Variants in NBAS observed in about 807,000 individuals in gnomAD.
NBAS encodes NBAS subunit of NRZ tethering complex.
In NBAS, 219 loss-of-function variants were observed where a neutral mutation model predicts 302.5. The ratio of observed to expected loss-of-function variants is 0.72; its 90% CI spans 0.65 to 0.81. The LOEUF is 0.81. Among genes scored for constraint, NBAS ranks in the 30% least tolerant of loss-of-function variants. The pLI is 0.00. For missense variants in NBAS, 2,932 were observed against 2,841.6 expected (o/e 1.03, Z -0.72); for synonymous variants, 1,118 against 1,021.6 (o/e 1.09, Z -1.80).
chr2:15,484,680 C>T (rs1490844091), intron 12 of NBAS, among the ~76,000 whole-genome samples: 1 of 152,162 alleles, frequency 6.6e-6, no homozygotes, highest in East Asian at 1.9e-4. Context: ...ACCTACATGC[C>T]TTTCCTGAGC....
chr2:14,921,119 T>C, the NBAS span, among the ~76,000 whole-genome samples: 4 of 152,046 alleles, frequency 2.6e-5, no homozygotes, highest in Non-Finnish European at 5.9e-5. Flanking sequence ...TTAGAGACCA[T>C]TGTAGGGTTA....
rs1670907715 is a variant in NBAS at position 15,303,686 on chromosome 2, TAGGAC to T, written c.4797+4525_4797+4529del. Among the ~76,000 whole-genome samples the T allele has an allele frequency of 2.0e-5, 3 of 152,190 alleles. No homozygotes were observed. In the South Asian group the frequency reaches 6.2e-4, roughly 31 times the overall value. ...TCTGAGTCACAAACAGTACATGCAT[TAGGAC>T]TTTTCATTTTGGTACAAAGTAATTT... On this transcript the variant is annotated intron_variant, in intron 40 of 51. Transcript: ENST00000281513.
At chr2:15,546,558 G>C (rs1045762951) in intron 6 of NBAS, among the ~76,000 whole-genome samples, 2 of 152,038 alleles carry the variant, frequency 1.3e-5, no homozygotes. Flanking sequence ...GTGAAACCCC[G>C]ACTCTACTAA....
At chr2:15,410,160 G>C (rs1443036609) in intron 25 of NBAS, among the ~76,000 whole-genome samples, 1 of 152,126 alleles carries the variant, frequency 6.6e-6, no homozygotes, top group Non-Finnish European at 1.5e-5. Context: ...CTTTTAAAGA[G>C]CCATGGCATT....
chr2:15,144,359 C>A, the NBAS span, among the ~76,000 whole-genome samples: 689 of 152,088 alleles, frequency 4.5e-3, 7 homozygotes, highest in African/African-American at 0.016. Context: ...AATATGTTCT[C>A]CATCCCCATC....
Position 15,461,209 on chromosome 2 carries a change from G to A in NBAS, c.2331C>T (p.Pro777=), listed in dbSNP as rs778062993. ...TTAACATAGTCACATACCAAGCTTCGGGCAGCAAAACAGAATATTCATGTG... is the reference window on the plus strand; with the variant it reads ...TTAACATAGTCACATACCAAGCTTCAGGCAGCAAAACAGAATATTCATGTG... ...TSPHEYSVLL[P]EACFNGDSLM... Residue 777 remains proline, a synonymous_variant, in exon 21 of 52, where the codon CCC becomes CCT. Transcript: ENST00000281513. 11 of 1,613,244 alleles carry A rather than the reference G, an allele frequency of 6.8e-6. No individual in the cohort carries two copies. The highest frequency in any genetic ancestry group is 3.3e-5 in the Admixed American group (2 of 59,954).
intron 38 of NBAS, among the ~76,000 whole-genome samples, chr2:15,316,445 G>A (rs1033179032): frequency 7.2e-5 from 11 of 152,334 alleles, no homozygotes; most frequent in African/African-American, 2.6e-4. Flanking sequence ...AGTGCAAGGG[G>A]TTGGGGGATT....
chr2:14,980,801 T>G, the NBAS span, among the ~76,000 whole-genome samples: 1 of 152,154 alleles, frequency 6.6e-6, no homozygotes, highest in Non-Finnish European at 1.5e-5. Flanking sequence ...ATAATTAATA[T>G]CTTCAGAAAG....
At chr2:15,304,283 G>C (rs1251539459) in intron 40 of NBAS, among the ~76,000 whole-genome samples, 1 of 148,504 alleles carries the variant, frequency 6.7e-6, no homozygotes, top group African/African-American at 2.4e-5. Context: ...CTGCTGCCTT[G>C]GGAAGAAAGT....
chr2:15,396,222 G>A (rs898995613), intron 27 of NBAS, among the ~76,000 whole-genome samples, 191 bp downstream of exon 27: 2 of 152,076 alleles, frequency 1.3e-5, no homozygotes, highest in Non-Finnish European at 2.9e-5. Flanking sequence ...CAAAGACCAT[G>A]TTATTATTCT....
intron 35 of NBAS, among the ~76,000 whole-genome samples, chr2:15,344,866 T>G (rs1673017492): frequency 6.6e-6 from 1 of 152,038 alleles, no homozygotes; most frequent in African/African-American, 2.4e-5. Context: ...AAATACAAAA[T>G]CAATAAATGT....
At chr2:15,244,198 C>T (rs77416714) in intron 44 of NBAS, among the ~76,000 whole-genome samples, 2,543 of 152,174 alleles carry the variant, frequency 0.017, 33 homozygotes, top group Middle Eastern at 0.031. Flanking sequence ...TAAATAAGAA[C>T]CTGACTGAAT....
At chr2:15,059,962 A>ACACAC in the NBAS span, among the ~76,000 whole-genome samples, 1 of 139,478 alleles carries the variant, frequency 7.2e-6, no homozygotes, top group Non-Finnish European at 1.6e-5. Context: ...AAAAAAAAAA[A>ACACAC]ACAAAAAAAA....
At chr2:15,476,009 T>A in intron 13 of NBAS, 129 bp from the exon 14 acceptor site, 1 of 690,008 alleles carries the variant, frequency 1.4e-6, no homozygotes, top group Non-Finnish European at 2.3e-6. Context: ...GTATGTTAAA[T>A]AATAAGAAAA....
downstream of NBAS, among the ~76,000 whole-genome samples, chr2:15,166,240 C>A (rs1572382096): frequency 6.6e-6 from 1 of 152,188 alleles, no homozygotes; most frequent in South Asian, 2.1e-4. Context: ...CATCAGCGAA[C>A]CCTAAGATGC....
chr2:14,880,786 A>G, the NBAS span, among the ~76,000 whole-genome samples: 1 of 152,094 alleles, frequency 6.6e-6, no homozygotes, highest in Non-Finnish European at 1.5e-5. Context: ...AAAATAAAAT[A>G]AGACCTAAAT....
chr2:14,937,155 C>T, the NBAS span, among the ~76,000 whole-genome samples: 1 of 152,140 alleles, frequency 6.6e-6, no homozygotes, highest in Non-Finnish European at 1.5e-5. Flanking sequence ...CTTTGCTGGT[C>T]AAGCCCCCAT....
chr2:14,804,504 C>T, the NBAS span, among the ~76,000 whole-genome samples: 6 of 152,250 alleles, frequency 3.9e-5, no homozygotes, highest in African/African-American at 7.2e-5. Flanking sequence ...CAAAAACACA[C>T]GTCAGAACAA....
At chr2:14,874,134 C>T in the NBAS span, among the ~76,000 whole-genome samples, 1 of 151,792 alleles carries the variant, frequency 6.6e-6, no homozygotes, top group East Asian at 1.9e-4. Context: ...ATCTTAGAGA[C>T]AATAAAGGGA....
Sources: gnomAD v4.1 joint callset for allele counts (sites outside exome capture counted in the v4.1 genomes callset) on GRCh38, gnomAD v4.1.1 for gene constraint, MANE v1.5 for transcripts, NCBI Gene and HGNC (gene_info 2026-07-23, HGNC 2026-07-21) for gene names.